The following LDLRAP1 variants were observed in gnomAD, a reference collection of about 807,000 sequenced individuals.
The protein encoded by LDLRAP1 is low density lipoprotein receptor adaptor protein 1.
A neutral mutation model predicts 37.8 loss-of-function variants in LDLRAP1; 30 were observed. The observed-to-expected ratio is 0.79, with a 90% CI of 0.59 to 1.08. The LOEUF is 1.08. Among genes scored for constraint, LDLRAP1 ranks in the 50% least tolerant of loss-of-function variants. LDLRAP1 has a pLI of 0.00. For missense variants in LDLRAP1, 375 were observed against 401.6 expected (o/e 0.93, Z 0.57); for synonymous variants, 156 against 169.8 (o/e 0.92, Z 0.63).
chr1:25,546,388 T>G (rs1287443894), intron 1 of LDLRAP1, among the ~76,000 whole-genome samples: 2 of 152,164 alleles, frequency 1.3e-5, no homozygotes, highest in Non-Finnish European at 2.9e-5. Context: ...TTGCCTGAGG[T>G]CACACAGCAA....
the LDLRAP1 span, among the ~76,000 whole-genome samples, chr1:25,584,666 A>C: frequency 6.6e-6 from 1 of 152,174 alleles, no homozygotes; most frequent in Non-Finnish European, 1.5e-5. Flanking sequence ...TATGAAGCTG[A>C]AGCTTCATAT....
the LDLRAP1 span, among the ~76,000 whole-genome samples, chr1:25,584,150 G>A: frequency 6.6e-6 from 1 of 152,044 alleles, no homozygotes; most frequent in Non-Finnish European, 1.5e-5. Flanking sequence ...GTGGGAACAT[G>A]TGTGTGCTCT....
the LDLRAP1 span, among the ~76,000 whole-genome samples, chr1:25,574,495 G>C: frequency 6.6e-6 from 1 of 152,232 alleles, no homozygotes; most frequent in Non-Finnish European, 1.5e-5. Context: ...GGGGCTTCCA[G>C]ATTTGTTGAA....
chr1:25,562,931 C>T (rs12096438), intron 5 of LDLRAP1, 139 bp from the exon 6 acceptor site: 461,566 of 905,186 alleles, frequency 0.51, 119,377 homozygotes, highest in Middle Eastern at 0.56. Flanking sequence ...AACTGACATC[C>T]GAAAGGTTTC....
chr1:25,547,179 G>T (rs142650904), intron 1 of LDLRAP1, among the ~76,000 whole-genome samples: 1 of 152,072 alleles, frequency 6.6e-6, no homozygotes, highest in African/African-American at 2.4e-5. Context: ...TCCACAAAGT[G>T]GGCATTATAA....
chr1:25,588,431 AG>A, the LDLRAP1 span, among the ~76,000 whole-genome samples: 1 of 152,260 alleles, frequency 6.6e-6, no homozygotes, highest in Admixed American at 6.5e-5. Flanking sequence ...AAACTGCCTT[AG>A]GGCTGGAGTT....
chr1:25,565,055 G>T (rs2044440884), intron 7 of LDLRAP1, 118 bp from the exon 8 acceptor site: 1 of 1,121,208 alleles, frequency 8.9e-7, no homozygotes, highest in Admixed American at 1.7e-5. Context: ...GCCTCCAGGC[G>T]CCCACCCTGA....
chr1:25,574,175 C>A, the LDLRAP1 span, among the ~76,000 whole-genome samples: 4 of 152,100 alleles, frequency 2.6e-5, no homozygotes, highest in South Asian at 8.3e-4. Flanking sequence ...TTGGAATGTG[C>A]CAAGGGCAGG....
At position 25,563,065 on chromosome 1, in the gene LDLRAP1, T is replaced by C. The variant is rs777043686; in HGVS notation, c.533-5T>C. On this transcript the variant is annotated splice_polypyrimidine_tract_variant and splice_region_variant and intron_variant, in intron 5 of 8. Coordinates refer to ENST00000374338, the MANE Select transcript of LDLRAP1 (RefSeq NM_015627.3). ...GCTCCAACATGTTGTGCCTTGGTCC[T>C]GCAGAGAAAGAGAAGAGGGACAAAG... 3 of 1,613,782 alleles carry C rather than the reference T, an allele frequency of 1.9e-6. No individual in the cohort carries two copies. The African/African-American group carries it at 4.0e-5, about 22-fold the overall frequency.
At position 25,544,930 on chromosome 1, in the gene LDLRAP1, T is replaced by C. The variant is rs1011635705; in HGVS notation, c.88+1144T>C. ...CCCTGGTCCAAGGAGTGCCAGCGTGTCTGGGCCTAGAGGGCCCGCCTCCCT... is the reference window on the plus strand; with the variant it reads ...CCCTGGTCCAAGGAGTGCCAGCGTGCCTGGGCCTAGAGGGCCCGCCTCCCT... On this transcript the variant is annotated intron_variant, in intron 1 of 8. Coordinates refer to ENST00000374338, the MANE Select transcript of LDLRAP1 (RefSeq NM_015627.3). The surrounding 1 kb of genome is among the most constrained non-coding windows in gnomAD (Gnocchi z 4.8). 1.3e-5 allele frequency among the ~76,000 whole-genome samples: 2 copies of C among 152,218 alleles called. No individual in the cohort carries two copies. Among genetic ancestry groups the C allele is most frequent in the African/African-American group, 4.8e-5 (2 of 41,462 alleles).
the LDLRAP1 span, chr1:25,590,040 T>C: frequency 6.6e-6 from 1 of 152,220 alleles, no homozygotes; most frequent in South Asian, 2.1e-4. Context: ...GAGGTGGAGG[T>C]TGCAGTGAGC....
intron 1 of LDLRAP1, among the ~76,000 whole-genome samples, chr1:25,547,140 T>C (rs1301756592): frequency 6.6e-6 from 1 of 152,156 alleles, no homozygotes; most frequent in Non-Finnish European, 1.5e-5. Context: ...GCAGGAAATA[T>C]TGTTAGGACA....
intron 8 of LDLRAP1, 64 bp from the exon 9 acceptor site, chr1:25,566,784 C>T (rs963801541): frequency 3.8e-5 from 60 of 1,564,458 alleles, no homozygotes; most frequent in Admixed American, 1.3e-4. Context: ...TGCCCCCTCG[C>T]GTCTGACCCT....
the LDLRAP1 span, among the ~76,000 whole-genome samples, chr1:25,585,110 G>C: frequency 6.6e-6 from 1 of 152,146 alleles, no homozygotes; most frequent in South Asian, 2.1e-4. Flanking sequence ...AGGGCAGAGC[G>C]GTAAGAGTTG....
At position 25,555,809 on chromosome 1, in the gene LDLRAP1, A is replaced by G. The variant is rs375423804; in HGVS notation, c.344+837A>G. 1.3e-5 allele frequency among the ~76,000 whole-genome samples: 2 copies of G among 152,164 alleles called. No homozygotes were observed. The highest frequency in any genetic ancestry group is 6.5e-5 in the Admixed American group (1 of 15,286). ...CTTTAGTCAACAGTTTCAGATACCT[A>G]TTCTGCCAACGTCTGTGCCAGATGA... is the stretch of plus-strand genomic sequence containing the variant. On this transcript the variant is annotated intron_variant, in intron 3 of 8. Transcript: ENST00000374338. This position sits in a 1 kb window ranked among gnomAD's most constrained non-coding sequence, Gnocchi z 4.7.
chr1:25,585,331 G>GTTTT, the LDLRAP1 span, among the ~76,000 whole-genome samples: 1 of 143,436 alleles, frequency 7.0e-6, no homozygotes, highest in South Asian at 2.2e-4. Context: ...TTTATTTTTT[G>GTTTT]TTTTTTTTTT....
At chr1:25,571,321 C>T (rs1041891440), downstream of LDLRAP1, among the ~76,000 whole-genome samples, 6 of 152,220 alleles carry the variant, frequency 3.9e-5, no homozygotes, top group African/African-American at 1.4e-4. Flanking sequence ...TTTAGAACTC[C>T]ACAGGGGTAT....
chr1:25,569,159 G>A (rs547586719), downstream of LDLRAP1, among the ~76,000 whole-genome samples: 84 of 152,364 alleles, frequency 5.5e-4, no homozygotes, highest in African/African-American at 1.9e-3. Context: ...TGAGAGCCCC[G>A]GCGGGGGACT....
the LDLRAP1 span, among the ~76,000 whole-genome samples, chr1:25,583,956 T>G: frequency 1.4e-4 from 21 of 152,212 alleles, no homozygotes; most frequent in Non-Finnish European, 2.8e-4. Flanking sequence ...TTGTAGCACA[T>G]GCCAGTGCTT....
Sources: gnomAD v4.1 joint callset for allele counts (sites outside exome capture counted in the v4.1 genomes callset) on GRCh38, gnomAD v4.1.1 for gene constraint, Gnocchi (gnomAD v3.1) non-coding constraint, MANE v1.5 for transcripts, NCBI Gene and HGNC (gene_info 2026-07-23, HGNC 2026-07-21) for gene names.